Variants in TMEM40 observed in about 807,000 individuals in gnomAD.
TMEM40 encodes transmembrane protein 40.
TMEM40 carries 34 observed loss-of-function variants against 40.8 expected under a neutral mutation model. That is an observed-to-expected ratio of 0.83 (90% confidence interval 0.63 to 1.11). TMEM40 has a LOEUF of 1.11. Ranked by LOEUF, TMEM40 falls within the 50% of genes least tolerant of loss-of-function variation. The probability of loss-of-function intolerance (pLI) is 0.00; values close to 1 mark genes in which losing one functional copy is unlikely to be tolerated. For missense variants in TMEM40, 296 were observed against 280.2 expected (o/e 1.06, Z -0.40); for synonymous variants, 106 against 107.0 (o/e 0.99, Z 0.06).
At chr3:12,752,836 T>C (rs1448531466) in intron 1 of TMEM40, among the ~76,000 whole-genome samples, 1 of 151,342 alleles carries the variant, frequency 6.6e-6, no homozygotes, top group Non-Finnish European at 1.5e-5. Flanking sequence ...GAAAGAAACT[T>C]GTCCAGGACC....
chr3:12,762,529 AGAGT>A (rs1190753779), upstream of TMEM40, among the ~76,000 whole-genome samples: 14 of 152,134 alleles, frequency 9.2e-5, no homozygotes, highest in Admixed American at 3.3e-4. Flanking sequence ...GAGAGCCTAC[AGAGT>A]GAGTGTTCAG....
At chr3:12,751,824 G>T (rs549267960) in intron 1 of TMEM40, among the ~76,000 whole-genome samples, 17 of 149,246 alleles carry the variant, frequency 1.1e-4, no homozygotes, top group Admixed American at 2.0e-4. Flanking sequence ...AGAGCCACGT[G>T]GGGGAAAGAG....
At chr3:12,768,686 G>T (rs531702374) in intron 1 of TMEM40, among the ~76,000 whole-genome samples, 1 of 152,060 alleles carries the variant, frequency 6.6e-6, no homozygotes, top group African/African-American at 2.4e-5. Flanking sequence ...TAGACATAAA[G>T]GTTCTCCAAG....
rs771597719 is a variant in TMEM40, at chr3:12,734,773, CTCAG to C, written c.699_702del (p.Asp233GlufsTer83). 6.3e-7 allele frequency: 1 copy of C among 1,598,026 alleles called. No homozygotes were observed. Among genetic ancestry groups the C allele is most frequent in the South Asian group, 1.1e-5 (1 of 88,058 alleles). ...CCTCTGCTGCCCACCTGGAAGTGGC[CTCAG>C]TCAGTCTTCCTGAACCCTGGAAGGC... is the stretch of plus-strand genomic sequence containing the variant. On this transcript the variant is annotated frameshift_variant and stop_lost, in exon 12 of 12. Transcript: ENST00000314124. LOFTEE classifies it high-confidence loss of function.
chr3:12,749,272 C>G (rs138777253), intron 2 of TMEM40, among the ~76,000 whole-genome samples: 3 of 152,174 alleles, frequency 2.0e-5, no homozygotes, highest in Admixed American at 6.5e-5. Flanking sequence ...GATCTGCCCG[C>G]CTCGGCCTCC....
At position 12,735,625 on chromosome 3, in the gene TMEM40, G is replaced by A. The variant is rs368431063; in HGVS notation, c.620-8C>T. 25 of 1,608,260 alleles carry A rather than the reference G, an allele frequency of 1.6e-5. No individual in the cohort carries two copies. The African/African-American group carries it at 2.4e-4, about 16-fold the overall frequency. On this transcript the variant is annotated splice_region_variant and splice_polypyrimidine_tract_variant and intron_variant, in intron 10 of 11. Coordinates refer to ENST00000314124, the MANE Select transcript of TMEM40 (RefSeq NM_018306.4). ...CGCTGTGGATACGGTACACTGCTCA[G>A]AAGCAAAGAAAAAAGTAAGTTAAGT... is the stretch of plus-strand genomic sequence containing the variant.
In TMEM40 at chr3:12,746,022, C is replaced by T. The variant is rs111598916; in HGVS notation, c.212-2033G>A. 2.4e-3 allele frequency among the ~76,000 whole-genome samples: 369 copies of T among 151,960 alleles called. 3 individuals are homozygous for T. The highest frequency in any genetic ancestry group is 8.3e-3 in the African/African-American group (342 of 41,452). On this transcript the variant is annotated intron_variant, in intron 3 of 11. Coordinates refer to ENST00000314124, the MANE Select transcript of TMEM40 (RefSeq NM_018306.4). Reference sequence around the variant, plus strand: ...AAGTGATTCTCCTGCCTCAGCCTCCCGAGTAGCTGGGATTACAGGTGCCCA... The same window carrying T: ...AAGTGATTCTCCTGCCTCAGCCTCCTGAGTAGCTGGGATTACAGGTGCCCA...
chr3:12,749,792 C>G lies in TMEM40; in HGVS notation c.41G>C (p.Ser14Thr). Reference protein sequence around the residue: ...SASSSQPQDNSQVHRETEDVD... With the variant: ...SASSSQPQDNTQVHRETEDVD... ...ATCTTCTGTTTCTCTGTGGACTTGA[C>G]TGTTGTCCTGAGGCTGGGAGGAGGA... is the stretch of plus-strand genomic sequence containing the variant. The change falls in exon 2 of 12, where the codon AGT (serine) becomes ACT (threonine). Residue 14 changes from serine to threonine, a missense_variant. Coordinates refer to ENST00000314124, the MANE Select transcript of TMEM40 (RefSeq NM_018306.4). The G allele has an allele frequency of 6.2e-7, 1 of 1,614,098 alleles. No individual in the cohort carries two copies. The highest frequency in any genetic ancestry group is 1.1e-5 in the South Asian group (1 of 91,074).
chr3:12,764,935 A>C (rs4289328), intron 1 of TMEM40, among the ~76,000 whole-genome samples: 1 of 151,700 alleles, frequency 6.6e-6, no homozygotes, highest in Non-Finnish European at 1.5e-5. Context: ...GCAGTGGCGC[A>C]ATCTCGGCTC....
intron 1 of TMEM40, among the ~76,000 whole-genome samples, chr3:12,751,779 T>G (rs1464850779): frequency 1.3e-5 from 2 of 152,160 alleles, no homozygotes; most frequent in African/African-American, 4.8e-5. Flanking sequence ...TCATCTCTAA[T>G]GAAGGCATTT....
intron 1 of TMEM40, among the ~76,000 whole-genome samples, chr3:12,752,411 T>C (rs1319976413): frequency 1.3e-5 from 2 of 152,220 alleles, no homozygotes; most frequent in East Asian, 3.8e-4. Context: ...TTCTAACAGT[T>C]AACTTGTGTT....
chr3:12,754,551 A>G (rs1369661565), intron 1 of TMEM40, among the ~76,000 whole-genome samples: 2 of 152,254 alleles, frequency 1.3e-5, no homozygotes, highest in Non-Finnish European at 2.9e-5. Context: ...GCTACAGAGC[A>G]AAGCTAGCAT....
chr3:12,753,220 T>C (rs866962310), intron 1 of TMEM40, among the ~76,000 whole-genome samples: 96 of 134,834 alleles, frequency 7.1e-4, no homozygotes, highest in Middle Eastern at 7.2e-3. Context: ...TCTTTTTTTT[T>C]TTTTTTTTTT....
At chr3:12,752,269 A>C (rs74798806) in intron 1 of TMEM40, among the ~76,000 whole-genome samples, 3,687 of 152,198 alleles carry the variant, frequency 0.024, 141 homozygotes, top group African/African-American at 0.082. Flanking sequence ...CCTTCACTAG[A>C]TCACGAATGC....
At chr3:12,756,778 C>CCTCTCTCT (rs10644374) in intron 1 of TMEM40, among the ~76,000 whole-genome samples, 9 of 150,544 alleles carry the variant, frequency 6.0e-5, no homozygotes, top group African/African-American at 2.0e-4. Context: ...TACCCACCTC[C>CCTCTCTCT]CTCTCTCTCT....
intron 2 of TMEM40, 60 bp downstream of exon 2, chr3:12,749,700 T>C: frequency 2.0e-6 from 3 of 1,505,782 alleles, no homozygotes; most frequent in Non-Finnish European, 2.7e-6. Context: ...CTGTCCCTTC[T>C]ACTTTTGGAC....
Position 12,738,743 on chromosome 3 carries a change from C to T in TMEM40, c.356-155G>A, listed in dbSNP as rs1000450117. 7.1e-6 allele frequency: 5 copies of T among 702,808 alleles called. No homozygotes were observed. The African/African-American group carries it at 8.8e-5, about 12-fold the overall frequency. The allele number at this position is 702,808 out of a possible 1,614,324, so 43.5% of individuals were successfully genotyped here. On this transcript the variant is annotated intron_variant, in intron 5 of 11. Transcript: ENST00000314124. ...GCCGGCTGGAGGGTTCCTGTTCCAACTAAAGGGGCAGCCACCACCCACCAG... is the reference window on the plus strand; with the variant it reads ...GCCGGCTGGAGGGTTCCTGTTCCAATTAAAGGGGCAGCCACCACCCACCAG...
intron 5 of TMEM40, 167 bp from the exon 6 acceptor site, chr3:12,738,755 C>G (rs1575731063): frequency 1.6e-6 from 1 of 626,066 alleles, no homozygotes; most frequent in Non-Finnish European, 2.9e-6. Flanking sequence ...AAAGGGGCAG[C>G]CACCACCCAC....
intron 1 of TMEM40, among the ~76,000 whole-genome samples, chr3:12,752,995 C>T (rs1416419153): frequency 2.6e-5 from 4 of 152,000 alleles, no homozygotes; most frequent in Non-Finnish European, 5.9e-5. Context: ...TGCAAATATG[C>T]TGACTTGGCT....
Sources: gnomAD v4.1 joint callset for allele counts (sites outside exome capture counted in the v4.1 genomes callset) on GRCh38, gnomAD v4.1.1 for gene constraint, MANE v1.5 for transcripts, NCBI Gene and HGNC (gene_info 2026-07-23, HGNC 2026-07-21) for gene names.